Variants in PTTG1IP observed in about 807,000 individuals in gnomAD.
PTTG1IP encodes PTTG1 interacting protein.
PTTG1IP carries 16 observed loss-of-function variants against 24.4 expected under a neutral mutation model. The ratio of observed to expected loss-of-function variants is 0.66; its 90% CI spans 0.44 to 1.00. The LOEUF (loss-of-function observed/expected upper bound fraction) is 1.00. Among genes scored for constraint, PTTG1IP ranks in the 50% least tolerant of loss-of-function variants. The pLI, the probability that PTTG1IP is intolerant of heterozygous loss-of-function variation, is 0.00. For missense variants in PTTG1IP, 241 were observed against 245.8 expected, an observed-to-expected ratio of 0.98 and a Z score of 0.13; for synonymous variants, 89 against 96.8, an observed-to-expected ratio of 0.92 and a Z score of 0.47.
intron 1 of PTTG1IP, among the ~76,000 whole-genome samples, chr21:44,866,791 C>T (rs2083545265): frequency 6.6e-6 from 1 of 152,178 alleles, no homozygotes; most frequent in East Asian, 1.9e-4. Context: ...CAGATGACTA[C>T]ACACCTACCA....
chr21:44,865,612 C>T (rs551836783), intron 1 of PTTG1IP, 165 bp from the exon 2 acceptor site: 2 of 693,668 alleles, frequency 2.9e-6, no homozygotes, highest in Admixed American at 2.2e-5. Context: ...GATAACAAGC[C>T]TTCTTCAAGA....
intron 2 of PTTG1IP, among the ~76,000 whole-genome samples, chr21:44,863,635 A>G (rs190529322): frequency 4.8e-4 from 73 of 152,356 alleles, no homozygotes; most frequent in African/African-American, 1.7e-3. Context: ...ACTCTAGGCT[A>G]CAAAGCCACA....
chr21:44,861,774 G>A (rs1353441727), intron 2 of PTTG1IP: 1 of 717,514 alleles, frequency 1.4e-6, no homozygotes. Flanking sequence ...CACACGCCGG[G>A]CACCTGTGCA....
At chr21:44,859,187 A>G (rs1206861632) in intron 3 of PTTG1IP, among the ~76,000 whole-genome samples, 1 of 152,220 alleles carries the variant, frequency 6.6e-6, no homozygotes, top group African/African-American at 2.4e-5. Context: ...GCTGAATAAA[A>G]CATCCAATAA....
Position 44,851,391 on chromosome 21 carries a change from T to C in PTTG1IP, c.*190A>G. On this transcript the variant is annotated 3_prime_UTR_variant, in exon 6 of 6. Transcript: ENST00000330938. The stretch of plus-strand genomic sequence containing the variant: ...TCTAGAAACAGAGATGAACAGGGAA[T>C]AGAAGGTCACCAGTCTGCAAGACGA... The C allele has an allele frequency of 6.5e-7, 1 of 1,545,548 alleles. No homozygotes were observed. The highest frequency in any genetic ancestry group is 2.4e-5 in the East Asian group (1 of 41,458).
rs1343301023 is a variant in PTTG1IP at position 44,851,172 on chromosome 21, A to G, written c.*409T>C. The stretch of plus-strand genomic sequence containing the variant: ...GCTGGTCAGTTCTCCTCATGACAAA[A>G]GTCAAACCGACTTCCCTGTGTTGCG... On this transcript the variant is annotated 3_prime_UTR_variant, in exon 6 of 6. Coordinates refer to ENST00000330938, the MANE Select transcript of PTTG1IP (RefSeq NM_004339.4). 8.7e-6 allele frequency: 6 copies of G among 692,056 alleles called. No homozygotes were observed. Among genetic ancestry groups the G allele is most frequent in the Non-Finnish European group, 1.4e-5 (6 of 433,130 alleles). 42.9% of individuals were successfully genotyped at this position (692,056 alleles called of 1,614,324 possible). A position where few individuals can be genotyped will look rare whatever the true frequency, so the allele number is the denominator to read the frequency against.
At chr21:44,855,947 C>T (rs1227551774) in intron 4 of PTTG1IP, among the ~76,000 whole-genome samples, 1 of 152,198 alleles carries the variant, frequency 6.6e-6, no homozygotes, top group East Asian at 1.9e-4. Flanking sequence ...ACAGACTCAG[C>T]CTTACTGCAC....
chr21:44,853,775 G>C (rs889233989), intron 5 of PTTG1IP, among the ~76,000 whole-genome samples: 7 of 152,324 alleles, frequency 4.6e-5, no homozygotes, highest in East Asian at 3.9e-4. Flanking sequence ...GCAGTGAAGA[G>C]AACCCAGAGA....
chr21:44,873,565 C>G lies in PTTG1IP; in HGVS notation c.52G>C (p.Gly18Arg), dbSNP rs1189927329. The change falls in exon 1 of 6, where the codon GGT becomes CGT. Residue 18 changes from glycine to arginine, a missense_variant. Gly to Arg is a moderately radical substitution (Grantham distance 125). Coordinates refer to ENST00000330938, the MANE Select transcript of PTTG1IP (RefSeq NM_004339.4). ...AGCAGCAGGAGCAGCGCGGCGCCAC[C>G]GAGGCGCAACCTCCAGTACGGCGTC... ...GPTPYWRLRL[G>R]GAALLLLLIP... 6.8e-7 allele frequency: 1 copy of G among 1,472,612 alleles called. No individual in the cohort carries two copies. The highest frequency in any genetic ancestry group is 1.3e-5 in the South Asian group (1 of 77,892). 91.2% of individuals were successfully genotyped at this position (1,472,612 alleles called of 1,614,324 possible). A position where few individuals can be genotyped will look rare whatever the true frequency, so the allele number is the denominator to read the frequency against.
chr21:44,851,718 T>C (rs1184153436), intron 5 of PTTG1IP, 91 bp from the exon 6 acceptor site: 1 of 1,452,312 alleles, frequency 6.9e-7, no homozygotes, highest in South Asian at 1.4e-5. Context: ...TATAAGAAGA[T>C]TTACTGAGGC....
At chr21:44,867,575 C>G (rs918884835) in intron 1 of PTTG1IP, among the ~76,000 whole-genome samples, 4 of 152,370 alleles carry the variant, frequency 2.6e-5, no homozygotes, top group South Asian at 4.1e-4. Flanking sequence ...AACAAGACAA[C>G]TGCTGAACTC....
chr21:44,855,557 A>G (rs1368587218), intron 4 of PTTG1IP, among the ~76,000 whole-genome samples: 3 of 152,238 alleles, frequency 2.0e-5, no homozygotes, highest in African/African-American at 7.2e-5. Context: ...TTTCATACAA[A>G]GAAAACACAG....
At chr21:44,865,345 C>G in intron 2 of PTTG1IP, 50 bp downstream of exon 2, 1 of 1,584,458 alleles carries the variant, frequency 6.3e-7, no homozygotes, top group Non-Finnish European at 8.7e-7. Flanking sequence ...GCCCGTGTGC[C>G]TTTGGACGGT....
chr21:44,851,197 G>A lies in PTTG1IP; in HGVS notation c.*384C>T, dbSNP rs187573751. The stretch of plus-strand genomic sequence containing the variant: ...AGTCAAACCGACTTCCCTGTGTTGC[G>A]TGTGAAGCTTGTTAGTGGACAGAGA... On this transcript the variant is annotated 3_prime_UTR_variant, in exon 6 of 6. Coordinates refer to ENST00000330938, the MANE Select transcript of PTTG1IP (RefSeq NM_004339.4). The A allele has an allele frequency of 1.7e-4, 143 of 821,976 alleles. 1 individual carries two copies. The highest frequency in any genetic ancestry group is 1.6e-3 in the Admixed American group (53 of 33,462). 50.9% of individuals were successfully genotyped at this position (821,976 alleles called of 1,614,324 possible).
chr21:44,854,559 A>G (rs1404235370), intron 5 of PTTG1IP, among the ~76,000 whole-genome samples: 1 of 152,238 alleles, frequency 6.6e-6, no homozygotes, highest in Non-Finnish European at 1.5e-5. Flanking sequence ...TCAACGAAGC[A>G]CGGCTGGGTG....
rs1214684554 is a variant in PTTG1IP, at chr21:44,873,688, A to C, written c.-72T>G. The C allele has an allele frequency of 6.2e-6, 8 of 1,283,230 alleles. No homozygotes were observed. The highest frequency in any genetic ancestry group is 6.9e-6 in the Non-Finnish European group (7 of 1,012,274). 79.5% of individuals were successfully genotyped at this position (1,283,230 alleles called of 1,614,324 possible). A position where few individuals can be genotyped will look rare whatever the true frequency, so the allele number is the denominator to read the frequency against. On this transcript the variant is annotated 5_prime_UTR_variant, in exon 1 of 6. Coordinates refer to ENST00000330938, the MANE Select transcript of PTTG1IP (RefSeq NM_004339.4). Reference sequence around the variant, plus strand: ...TCCAGCACAAGCGGTCTCCGCCCGGAACAGCCGCGGCGCCGGAAGTGGACC... The same window carrying C: ...TCCAGCACAAGCGGTCTCCGCCCGGCACAGCCGCGGCGCCGGAAGTGGACC...
intron 5 of PTTG1IP, among the ~76,000 whole-genome samples, chr21:44,854,592 G>C (rs2083434952): frequency 6.6e-6 from 1 of 152,242 alleles, no homozygotes. Context: ...GTTAAGCAGT[G>C]AACATCACGT....
chr21:44,873,316 G>A (rs1038632644), intron 1 of PTTG1IP, among the ~76,000 whole-genome samples, 186 bp downstream of exon 1: 1 of 152,158 alleles, frequency 6.6e-6, no homozygotes, highest in South Asian at 2.1e-4. Flanking sequence ...CAGCCGCGAC[G>A]GCAGCTCCCG....
chr21:44,858,688 G>A (rs989693881), intron 3 of PTTG1IP, among the ~76,000 whole-genome samples: 3 of 152,246 alleles, frequency 2.0e-5, no homozygotes, highest in Non-Finnish European at 4.4e-5. Flanking sequence ...GCTGGGTGTT[G>A]TGTGTCCATC....
Sources: gnomAD v4.1 joint callset for allele counts (sites outside exome capture counted in the v4.1 genomes callset) on GRCh38, gnomAD v4.1.1 for gene constraint, MANE v1.5 for transcripts, NCBI Gene and HGNC (gene_info 2026-07-23, HGNC 2026-07-21) for gene names.